Variants in PCDHA5 observed in about 807,000 individuals in gnomAD.
The protein encoded by PCDHA5 is protocadherin alpha 5, also known as protocadherin alpha-5.
In PCDHA5, 43 loss-of-function variants were observed where a neutral mutation model predicts 61.6. The ratio of observed to expected loss-of-function variants is 0.70; its 90% CI spans 0.55 to 0.90. The LOEUF is 0.90. Ranked by LOEUF, PCDHA5 falls within the 40% of genes least tolerant of loss-of-function variation. The probability of loss-of-function intolerance (pLI) is 0.00; values close to 1 mark genes in which losing one functional copy is unlikely to be tolerated. For missense variants in PCDHA5, 1,298 were observed against 1,222.7 expected (o/e 1.06, Z -0.92); for synonymous variants, 627 against 543.9 (o/e 1.15, Z -2.13).
intron 2 of PCDHA5, among the ~76,000 whole-genome samples, chr5:140,980,721 A>G (rs1219290542): frequency 3.9e-5 from 6 of 152,202 alleles, no homozygotes; most frequent in African/African-American, 1.2e-4. Flanking sequence ...TTCGGGTTTC[A>G]ATTAAGATAT....
At chr5:140,966,789 C>T (rs782194817) in intron 1 of PCDHA5, 3 of 1,528,688 alleles carry the variant, frequency 2.0e-6, no homozygotes, top group Non-Finnish European at 2.6e-6. Flanking sequence ...GGCACCAGAC[C>T]TGCGGCGACA....
rs374506056 is a variant in PCDHA5, at chr5:140,858,272, G to T, written c.2352+34145G>T. 1.3e-4 allele frequency: 201 copies of T among 1,597,346 alleles called. 14 individuals carry two copies. In the African/African-American group the frequency reaches 2.1e-3, roughly 17 times the overall value. On this transcript the variant is annotated intron_variant, in intron 1 of 3. Transcript: ENST00000529859. The stretch of plus-strand genomic sequence containing the variant: ...GAAGCCCACGCTGGTGTGCTCTAGC[G>T]CGGTGGGGAGCTGGTCTTACTCGCA...
At position 140,823,402 on chromosome 5, in the gene PCDHA5, C is replaced by T. The variant is rs2150125577; in HGVS notation, c.1627C>T (p.Pro543Ser). ...GAGCGCGCGCGACGCGGGCGTGCCGCCTCTGGGCAGCAACGTGACGCTGCA... is the reference window on the plus strand; with the variant it reads ...GAGCGCGCGCGACGCGGGCGTGCCGTCTCTGGGCAGCAACGTGACGCTGCA... ...QVSARDAGVP[P>S]LGSNVTLQVF... Residue 543 changes from proline (P) to serine (S), a missense_variant, in exon 1 of 4, where the codon CCT becomes TCT. Physicochemically the swap from Pro to Ser is moderately conservative, Grantham distance 74 (BLOSUM62 -1). Coordinates refer to ENST00000529859, the MANE Select transcript of PCDHA5 (RefSeq NM_018908.3). 2 of 1,613,148 alleles carry T rather than the reference C, an allele frequency of 1.2e-6. No homozygotes were observed. Among genetic ancestry groups the T allele is most frequent in the Admixed American group, 1.7e-5 (1 of 60,002 alleles).
chr5:140,830,676 T>C (rs1348567838), intron 1 of PCDHA5: 2 of 357,974 alleles, frequency 5.6e-6, no homozygotes, highest in African/African-American at 4.3e-5. Flanking sequence ...AAATTAGAAA[T>C]CACTGTCCAC....
intron 1 of PCDHA5, chr5:140,966,748 T>G: frequency 1.4e-6 from 2 of 1,426,956 alleles, no homozygotes; most frequent in Non-Finnish European, 1.8e-6. Flanking sequence ...CCCGGCTGCC[T>G]CCGCCGCGGC....
chr5:140,834,050 T>C (rs1772774316), intron 1 of PCDHA5, among the ~76,000 whole-genome samples: 1 of 152,196 alleles, frequency 6.6e-6, no homozygotes, highest in African/African-American at 2.4e-5. Flanking sequence ...TAAGAATGCT[T>C]CTAACAATCA....
chr5:140,882,490 T>C, intron 1 of PCDHA5: 1 of 1,614,024 alleles, frequency 6.2e-7, no homozygotes, highest in Non-Finnish European at 8.5e-7. Context: ...ACGGGGACCT[T>C]CTGGAGGTAA....
chr5:140,856,512 G>T lies in PCDHA5; in HGVS notation c.2352+32385G>T, dbSNP rs781905206. On this transcript the variant is annotated intron_variant, in intron 1 of 3. Transcript: ENST00000529859. ...CTTGACTCTCGATTTCCACTAGAAG[G>T]CGCATCTGATGCGGATGTTGGAGAG... 1.9e-6 allele frequency: 3 copies of T among 1,598,396 alleles called. No individual in the cohort carries two copies. The South Asian group carries it at 3.3e-5, about 18-fold the overall frequency.
chr5:140,850,081 A>G, intron 1 of PCDHA5: 1 of 1,596,386 alleles, frequency 6.3e-7, no homozygotes, highest in South Asian at 1.1e-5. Context: ...GAGGAGCTGG[A>G]GCTGCTACAG....
intron 1 of PCDHA5, among the ~76,000 whole-genome samples, chr5:140,888,210 T>C (rs1395913579): frequency 6.6e-6 from 1 of 152,082 alleles, no homozygotes; most frequent in East Asian, 1.9e-4. Flanking sequence ...ATGCTGGATT[T>C]TGTGTGTGTG....
intron 1 of PCDHA5, chr5:140,841,217 C>A: frequency 7.0e-7 from 1 of 1,422,140 alleles, no homozygotes; most frequent in Non-Finnish European, 9.5e-7. Context: ...TCTCTAAAGG[C>A]CGAACAACGG....
chr5:140,921,498 A>G (rs2080245132), intron 1 of PCDHA5, among the ~76,000 whole-genome samples: 1 of 152,230 alleles, frequency 6.6e-6, no homozygotes, highest in African/African-American at 2.4e-5. Context: ...TTAGTTTATT[A>G]GATAGTGCCT....
chr5:140,979,522 A>G (rs576025092), intron 2 of PCDHA5, among the ~76,000 whole-genome samples: 1 of 152,098 alleles, frequency 6.6e-6, no homozygotes, highest in South Asian at 2.1e-4. Context: ...ATCTGTTGCT[A>G]TCTTATTGTC....
Position 140,978,933 on chromosome 5 carries a change from CTT to C in PCDHA5, c.2353-14_2353-13del, listed in dbSNP as rs1179085898. On this transcript the variant is annotated splice_polypyrimidine_tract_variant and intron_variant, in intron 1 of 3. Coordinates refer to ENST00000529859, the MANE Select transcript of PCDHA5 (RefSeq NM_018908.3). The stretch of plus-strand genomic sequence containing the variant: ...TCTTGTCATTTTAACAGAAAACTCT[CTT>C]TGTGATTTTGCAGCCACGACAGCCC... 1.2e-6 allele frequency: 2 copies of C among 1,613,976 alleles called. No individual in the cohort carries two copies. The highest frequency in any genetic ancestry group is 2.7e-5 in the African/African-American group (2 of 74,920).
At chr5:140,864,528 T>C (rs2048505938) in intron 1 of PCDHA5, 1 of 152,240 alleles carries the variant, frequency 6.6e-6, no homozygotes, top group Non-Finnish European at 1.5e-5. Context: ...TACTTCTTAA[T>C]TTTTGTCTTC....
In PCDHA5 at chr5:140,882,341, G is replaced by A. The variant is rs782271839; in HGVS notation, c.2352+58214G>A. 5.6e-6 allele frequency: 9 copies of A among 1,614,058 alleles called. No individual in the cohort carries two copies. The Admixed American group carries it at 1.3e-4, about 24-fold the overall frequency. ...CTGGCTTCTGATCCTCGCAGCCTGGGAGACGGGTAGTGGCCAGCTCCACTA... is the reference window on the plus strand; with the variant it reads ...CTGGCTTCTGATCCTCGCAGCCTGGAAGACGGGTAGTGGCCAGCTCCACTA... On this transcript the variant is annotated intron_variant, in intron 1 of 3. Coordinates refer to ENST00000529859, the MANE Select transcript of PCDHA5 (RefSeq NM_018908.3).
chr5:140,984,056 G>T (rs569184437), intron 3 of PCDHA5, among the ~76,000 whole-genome samples: 1 of 152,200 alleles, frequency 6.6e-6, no homozygotes, highest in Non-Finnish European at 1.5e-5. Context: ...TGACAAATCT[G>T]TACCCTCAGT....
intron 1 of PCDHA5, chr5:140,870,542 A>T (rs781984897): frequency 1.2e-6 from 2 of 1,614,132 alleles, no homozygotes; most frequent in Non-Finnish European, 1.7e-6. Context: ...TCGGCGCGGG[A>T]CGCGGACGCG....
chr5:140,892,069 A>G (rs1554185062), intron 1 of PCDHA5, among the ~76,000 whole-genome samples: 3 of 152,208 alleles, frequency 2.0e-5, no homozygotes, highest in Non-Finnish European at 2.9e-5. Flanking sequence ...GTTACTTTGT[A>G]TAATTTCTAG....
Sources: allele counts gnomAD v4.1 joint callset (sites outside exome capture counted in the v4.1 genomes callset), GRCh38; gene constraint gnomAD v4.1.1; transcripts MANE v1.5; gene names NCBI Gene and HGNC (gene_info 2026-07-23, HGNC 2026-07-21).